LHFPL4: variants seen among roughly 807,000 people sequenced by gnomAD.
LHFPL4 encodes the protein LHFPL tetraspan subfamily member 4 protein.
In LHFPL4, 6 loss-of-function variants were observed where a neutral mutation model predicts 20.0. The observed-to-expected ratio is 0.30, with a 90% CI of 0.16 to 0.59. The LOEUF (loss-of-function observed/expected upper bound fraction) is 0.59, where lower values mean the gene tolerates loss of function less well. Ranked by LOEUF, LHFPL4 falls within the 20% of genes least tolerant of loss-of-function variation. The pLI, the probability that LHFPL4 is intolerant of heterozygous loss-of-function variation, is 0.88. For synonymous variants in LHFPL4, 129 were observed against 143.8 expected, an observed-to-expected ratio of 0.90 and a Z score of 0.74; for missense variants, 215 against 331.2, an observed-to-expected ratio of 0.65 and a Z score of 2.72.
chr3:9,543,387 G>A (rs993177873), intron 2 of LHFPL4, among the ~76,000 whole-genome samples: 2 of 152,004 alleles, frequency 1.3e-5, no homozygotes. Context: ...TGTAGACCTA[G>A]CTACTCGGGA....
At chr3:9,525,492 C>A (rs2046367714) in intron 2 of LHFPL4, among the ~76,000 whole-genome samples, 1 of 152,178 alleles carries the variant, frequency 6.6e-6, no homozygotes, top group Non-Finnish European at 1.5e-5. Flanking sequence ...TCTCATGGAT[C>A]TAGCAAGAGT....
intron 2 of LHFPL4, among the ~76,000 whole-genome samples, chr3:9,545,684 C>A (rs540509447): frequency 6.6e-6 from 1 of 151,802 alleles, no homozygotes; most frequent in South Asian, 2.1e-4. Flanking sequence ...CCATTGCACT[C>A]CAGCCTGGGC....
chr3:9,535,037 ACTC>A lies in LHFPL4; in HGVS notation c.406+17234_406+17236del, dbSNP rs200412313. ...ATGAAGGAAGGGAGGAAAGACAAAAACTCCTACTATATCGATACAGGAATATAG... is the reference window on the plus strand; with the variant it reads ...ATGAAGGAAGGGAGGAAAGACAAAAACTACTATATCGATACAGGAATATAG... On this transcript the variant is annotated intron_variant, in intron 2 of 3. Coordinates refer to ENST00000287585, the MANE Select transcript of LHFPL4 (RefSeq NM_198560.3). Among the ~76,000 whole-genome samples the A allele has an allele frequency of 2.2e-4, 34 of 151,692 alleles. No individual in the cohort carries two copies. In the East Asian group the frequency reaches 5.6e-3, roughly 25 times the overall value.
intron 2 of LHFPL4, among the ~76,000 whole-genome samples, chr3:9,541,895 G>C (rs1162796416): frequency 6.6e-6 from 1 of 152,140 alleles, no homozygotes; most frequent in South Asian, 2.1e-4. Context: ...ACATCTGTCA[G>C]TTTCTCAAAA....
At chr3:9,531,794 C>T (rs1164916990) in intron 2 of LHFPL4, among the ~76,000 whole-genome samples, 1 of 138,484 alleles carries the variant, frequency 7.2e-6, no homozygotes, top group Non-Finnish European at 1.5e-5. Flanking sequence ...AGCGAGACTC[C>T]ATCTCAGAAA....
intron 2 of LHFPL4, among the ~76,000 whole-genome samples, chr3:9,521,974 CTT>C (rs1267543054): frequency 6.6e-6 from 1 of 151,794 alleles, no homozygotes; most frequent in African/African-American, 2.4e-5. Context: ...ATTTTCCTGT[CTT>C]TTGTGGTTTT....
rs1157533967 is a variant in LHFPL4, at chr3:9,523,475, T to C, written c.407-17272A>G. Among the ~76,000 whole-genome samples, 11 of 151,268 alleles carry C rather than the reference T, an allele frequency of 7.3e-5. No homozygotes were observed. The Admixed American group carries it at 7.3e-4, about 10-fold the overall frequency. The stretch of plus-strand genomic sequence containing the variant: ...CTTTATTTATTTATTTATTTATTTA[T>C]TTATTTATTTATTTTGAGACAGAGT... On this transcript the variant is annotated intron_variant, in intron 2 of 3. Coordinates refer to ENST00000287585, the MANE Select transcript of LHFPL4 (RefSeq NM_198560.3).
At chr3:9,520,965 T>C (rs1451011084) in intron 2 of LHFPL4, among the ~76,000 whole-genome samples, 2 of 152,142 alleles carry the variant, frequency 1.3e-5, no homozygotes, top group East Asian at 3.8e-4. Flanking sequence ...TCCTTACTGA[T>C]TTTTCTGCCT....
intron 2 of LHFPL4, among the ~76,000 whole-genome samples, chr3:9,535,985 GA>G (rs2046442008): frequency 6.6e-6 from 1 of 152,006 alleles, no homozygotes; most frequent in Non-Finnish European, 1.5e-5. Flanking sequence ...TATTTTTTTA[GA>G]GAGGGGGTTT....
chr3:9,502,884 G>T (rs977135379), intron 3 of LHFPL4, among the ~76,000 whole-genome samples: 1 of 152,116 alleles, frequency 6.6e-6, no homozygotes, highest in Non-Finnish European at 1.5e-5. Context: ...GGGTCAAAAA[G>T]AGACAAATAA....
At chr3:9,508,452 T>C (rs1003581209) in intron 2 of LHFPL4, among the ~76,000 whole-genome samples, 1 of 152,226 alleles carries the variant, frequency 6.6e-6, no homozygotes, top group African/African-American at 2.4e-5. Context: ...AGCAAAGTCC[T>C]GCGGCGGGAA....
chr3:9,520,719 T>C (rs2046332107), intron 2 of LHFPL4, among the ~76,000 whole-genome samples: 1 of 152,166 alleles, frequency 6.6e-6, no homozygotes, highest in Non-Finnish European at 1.5e-5. Context: ...TTTTGGTATT[T>C]TCCAGCTATC....
At chr3:9,540,310 C>T (rs1174152508) in intron 2 of LHFPL4, among the ~76,000 whole-genome samples, 1 of 152,142 alleles carries the variant, frequency 6.6e-6, no homozygotes, top group Non-Finnish European at 1.5e-5. Context: ...AAAAGCAAGC[C>T]ACAGAACCAA....
At chr3:9,504,208 T>C (rs1241288144) in intron 3 of LHFPL4, among the ~76,000 whole-genome samples, 2 of 151,952 alleles carry the variant, frequency 1.3e-5, no homozygotes, top group African/African-American at 4.8e-5. Flanking sequence ...CCATCTCTAC[T>C]AAGAATACAA....
chr3:9,503,143 TTTGGG>T (rs1220534975), intron 3 of LHFPL4, among the ~76,000 whole-genome samples: 1 of 152,124 alleles, frequency 6.6e-6, no homozygotes, highest in Non-Finnish European at 1.5e-5. Context: ...CTCGGAGGTC[TTTGGG>T]TTAAAACTGA....
In LHFPL4 at chr3:9,520,841, G is replaced by GTGAAT. The variant is rs541875724; in HGVS notation, c.407-14643_407-14639dup. ...GTTTTTTGGTCCAGACCCTGTCTTG[G>GTGAAT]TGAATGTCCCATGTGAACTTGAGAA... On this transcript the variant is annotated intron_variant, in intron 2 of 3. Transcript: ENST00000287585. Among the ~76,000 whole-genome samples, 400 of 152,224 alleles carry GTGAAT rather than the reference G, an allele frequency of 2.6e-3. 8 individuals carry two copies. Among genetic ancestry groups the GTGAAT allele is most frequent in the African/African-American group, 9.1e-3 (378 of 41,480 alleles).
intron 2 of LHFPL4, among the ~76,000 whole-genome samples, chr3:9,531,220 G>A (rs1012446170): frequency 3.3e-5 from 5 of 152,210 alleles, no homozygotes; most frequent in Admixed American, 2.0e-4. Flanking sequence ...TTGAGATATT[G>A]TGAAAATTTC....
intron 2 of LHFPL4, among the ~76,000 whole-genome samples, chr3:9,542,255 C>T (rs915398876): frequency 6.6e-6 from 1 of 152,120 alleles, no homozygotes; most frequent in Non-Finnish European, 1.5e-5. Flanking sequence ...CACTGCACTC[C>T]AGCCTGGGCA....
intron 2 of LHFPL4, among the ~76,000 whole-genome samples, chr3:9,538,989 C>T (rs1456608017): frequency 1.3e-5 from 2 of 152,106 alleles, no homozygotes; most frequent in Non-Finnish European, 2.9e-5. Context: ...TGTGAGCCAC[C>T]ACACCTGGCC....
Sources: allele counts gnomAD v4.1 joint callset (sites outside exome capture counted in the v4.1 genomes callset), GRCh38; gene constraint gnomAD v4.1.1; transcripts MANE v1.5; gene names NCBI Gene and HGNC (gene_info 2026-07-23, HGNC 2026-07-21).